ST6GALNAC3: variants seen among roughly 807,000 people sequenced by gnomAD.
The protein encoded by ST6GALNAC3 is alpha-N-acetylgalactosaminide alpha-2,6-sialyltransferase 3.
A neutral mutation model predicts 32.7 loss-of-function variants in ST6GALNAC3; 25 were observed. That is an observed-to-expected ratio of 0.76 (90% confidence interval 0.56 to 1.07). The LOEUF is 1.07. ST6GALNAC3 is among the 50% of genes least tolerant of loss of function. The pLI, the probability that ST6GALNAC3 is intolerant of heterozygous loss-of-function variation, is 0.00. For missense variants in ST6GALNAC3, 355 were observed against 382.4 expected (o/e 0.93, Z 0.60); for synonymous variants, 129 against 133.1 (o/e 0.97, Z 0.21).
At chr1:76,079,664 T>C (rs953581699) in intron 1 of ST6GALNAC3, among the ~76,000 whole-genome samples, 4 of 152,240 alleles carry the variant, frequency 2.6e-5, no homozygotes, top group African/African-American at 7.2e-5. Flanking sequence ...TCTTGATTGA[T>C]AGGTAATTAG....
At chr1:76,317,194 A>T (rs138128368) in intron 2 of ST6GALNAC3, among the ~76,000 whole-genome samples, 164 of 152,240 alleles carry the variant, frequency 1.1e-3, no homozygotes, top group Non-Finnish European at 1.7e-3. Context: ...ACCCTTCTCA[A>T]TGATTTCATC....
intron 3 of ST6GALNAC3, among the ~76,000 whole-genome samples, chr1:76,608,369 A>G (rs1334281259): frequency 6.6e-6 from 1 of 152,184 alleles, no homozygotes; most frequent in Non-Finnish European, 1.5e-5. Flanking sequence ...CAAATAAACA[A>G]CACTCATGAA....
intron 3 of ST6GALNAC3, among the ~76,000 whole-genome samples, chr1:76,470,838 T>A (rs1658977845): frequency 1.3e-5 from 2 of 152,198 alleles, no homozygotes; most frequent in African/African-American, 4.8e-5. Flanking sequence ...GCGGGAATTC[T>A]TATGCTGAGG....
At chr1:76,268,741 G>T (rs1658674219) in intron 1 of ST6GALNAC3, among the ~76,000 whole-genome samples, 1 of 152,208 alleles carries the variant, frequency 6.6e-6, no homozygotes, top group Non-Finnish European at 1.5e-5. Flanking sequence ...GAATGAATTT[G>T]ACAGGCTTTT....
intron 3 of ST6GALNAC3, among the ~76,000 whole-genome samples, chr1:76,430,109 A>T (rs932931523): frequency 5.3e-5 from 8 of 152,298 alleles, no homozygotes; most frequent in African/African-American, 1.9e-4. Flanking sequence ...TGAGTTACCA[A>T]GTCCACAGTC....
chr1:76,183,407 A>G (rs977059249), intron 1 of ST6GALNAC3, among the ~76,000 whole-genome samples: 4 of 152,160 alleles, frequency 2.6e-5, no homozygotes, highest in African/African-American at 4.8e-5. Flanking sequence ...GTTGGAGACA[A>G]ATAATGACTA....
chr1:76,396,899 A>T (rs534770259), intron 2 of ST6GALNAC3, among the ~76,000 whole-genome samples: 3 of 152,302 alleles, frequency 2.0e-5, no homozygotes, highest in African/African-American at 2.4e-5. Flanking sequence ...TAGTTTCTGC[A>T]GTCTTGTGTA....
chr1:76,205,338 T>TC (rs980602014), intron 1 of ST6GALNAC3, among the ~76,000 whole-genome samples: 2 of 152,054 alleles, frequency 1.3e-5, no homozygotes, highest in African/African-American at 4.8e-5. Flanking sequence ...GTCCACAGCC[T>TC]CCCCCTTTAC....
chr1:76,602,065 G>T (rs765943822), intron 3 of ST6GALNAC3, among the ~76,000 whole-genome samples: 3 of 152,158 alleles, frequency 2.0e-5, no homozygotes, highest in Admixed American at 1.3e-4. Context: ...CAAAGTAAGG[G>T]ATGAGATCAC....
intron 3 of ST6GALNAC3, among the ~76,000 whole-genome samples, chr1:76,464,512 G>T (rs962573475): frequency 2.0e-5 from 3 of 152,170 alleles, no homozygotes; most frequent in Non-Finnish European, 2.9e-5. Context: ...AATAGTAGGA[G>T]AACTTACCAC....
At chr1:76,173,690 C>G (rs1170904813) in intron 1 of ST6GALNAC3, among the ~76,000 whole-genome samples, 4 of 152,206 alleles carry the variant, frequency 2.6e-5, no homozygotes, top group Admixed American at 6.5e-5. Context: ...TGAACAGACA[C>G]TTTTCAAAAG....
chr1:76,475,635 A>G (rs1003845525), intron 3 of ST6GALNAC3, among the ~76,000 whole-genome samples: 2 of 152,164 alleles, frequency 1.3e-5, no homozygotes, highest in Non-Finnish European at 2.9e-5. Context: ...AAAATTTACA[A>G]GTGTCATTAA....
intron 1 of ST6GALNAC3, among the ~76,000 whole-genome samples, chr1:76,237,908 A>C (rs1188149371): frequency 6.6e-6 from 1 of 152,246 alleles, no homozygotes; most frequent in Non-Finnish European, 1.5e-5. Context: ...GATATGAAAT[A>C]CTTCCTGCTT....
At chr1:76,347,745 C>A (rs1648640059) in intron 2 of ST6GALNAC3, among the ~76,000 whole-genome samples, 1 of 152,082 alleles carries the variant, frequency 6.6e-6, no homozygotes, top group African/African-American at 2.4e-5. Context: ...TGGGTTCAAG[C>A]TCTTGCTCTA....
At chr1:76,596,242 T>C (rs942688101) in intron 3 of ST6GALNAC3, among the ~76,000 whole-genome samples, 5 of 152,192 alleles carry the variant, frequency 3.3e-5, no homozygotes, top group Admixed American at 1.3e-4. Flanking sequence ...TCCTACCTAA[T>C]AACGTAGTCA....
At chr1:76,090,261 T>C (rs760348320) in intron 1 of ST6GALNAC3, among the ~76,000 whole-genome samples, 14 of 152,278 alleles carry the variant, frequency 9.2e-5, no homozygotes, top group Non-Finnish European at 1.5e-4. Flanking sequence ...AACTTTTCTT[T>C]GATGTTAAGA....
intron 3 of ST6GALNAC3, among the ~76,000 whole-genome samples, chr1:76,483,123 A>T (rs1659847869): frequency 6.6e-6 from 1 of 152,004 alleles, no homozygotes; most frequent in Non-Finnish European, 1.5e-5. Context: ...CCAGTCTATC[A>T]CTGATGGACA....
chr1:76,583,359 C>A (rs945123125), intron 3 of ST6GALNAC3, among the ~76,000 whole-genome samples: 8 of 152,146 alleles, frequency 5.3e-5, no homozygotes, highest in African/African-American at 1.9e-4. Context: ...GAAGAATATT[C>A]CACTGGCTAT....
chr1:76,280,961 A>G (rs544180185), intron 1 of ST6GALNAC3, among the ~76,000 whole-genome samples: 1 of 152,362 alleles, frequency 6.6e-6, no homozygotes, highest in East Asian at 1.9e-4. Flanking sequence ...CATTTATATT[A>G]TGCTCACTTT....
Sources: gnomAD v4.1 joint callset for allele counts (sites outside exome capture counted in the v4.1 genomes callset) on GRCh38, gnomAD v4.1.1 for gene constraint, MANE v1.5 for transcripts, NCBI Gene and HGNC (gene_info 2026-07-23, HGNC 2026-07-21) for gene names.